The following ASXL1 variants were observed in gnomAD, a reference collection of about 807,000 sequenced individuals.
ASXL1 encodes the protein ASXL transcriptional regulator 1, also known as polycomb group protein ASXL1.
A neutral mutation model predicts 89.1 loss-of-function variants in ASXL1; 65 were observed. The observed-to-expected ratio is 0.73, with a 90% CI of 0.60 to 0.90. The LOEUF (loss-of-function observed/expected upper bound fraction) is 0.90. Among genes scored for constraint, ASXL1 ranks in the 40% least tolerant of loss-of-function variants. ASXL1 has a pLI of 0.00. For missense variants in ASXL1, 1,786 were observed against 1,942.9 expected (o/e 0.92, Z 1.52); for synonymous variants, 739 against 746.9 (o/e 0.99, Z 0.17).
rs1217055639 is a variant in ASXL1, at chr20:32,437,842, A to AC, written c.*506dup. ...GCATTGCCCACCAGGGGGCTGGTGC[A>AC]CCTGCTGACCTCAGGGTCACAGTTG... On this transcript the variant is annotated 3_prime_UTR_variant, in exon 13 of 13. Transcript: ENST00000375687. 1 of 248,572 alleles carries AC rather than the reference A, an allele frequency of 4.0e-6. No individual in the cohort carries two copies. Among genetic ancestry groups the AC allele is most frequent in the Non-Finnish European group, 7.9e-6 (1 of 127,032 alleles). The allele number at this position is 248,572 out of a possible 1,614,324, so 15.4% of individuals were successfully genotyped here.
chr20:32,382,326 C>T (rs541638988), intron 4 of ASXL1, among the ~76,000 whole-genome samples: 9 of 152,012 alleles, frequency 5.9e-5, no homozygotes, highest in South Asian at 2.1e-4. Flanking sequence ...AATCTGCTGA[C>T]GTTAGAAATA....
intron 1 of ASXL1, among the ~76,000 whole-genome samples, chr20:32,364,314 C>G (rs2048170861): frequency 6.6e-6 from 1 of 151,826 alleles, no homozygotes; most frequent in African/African-American, 2.4e-5. Flanking sequence ...TTCCTGGGCT[C>G]AGATGATTCT....
intron 6 of ASXL1, 138 bp downstream of exon 6, chr20:32,428,560 T>TGC: frequency 1.2e-6 from 1 of 820,428 alleles, no homozygotes; most frequent in Non-Finnish European, 2.0e-6. Flanking sequence ...GTTAGTAGCA[T>TGC]TTAACAGGGG....
In ASXL1 at chr20:32,435,130, C is replaced by G. The variant is rs761292819; in HGVS notation, c.2418C>G (p.Thr806=). The G allele has an allele frequency of 5.6e-6, 9 of 1,613,788 alleles. No individual in the cohort carries two copies. The South Asian group carries it at 6.6e-5, about 12-fold the overall frequency. The part of the protein sequence containing the change: ...WESDDEEQGP[T]VPADNGPIPS... ...GTGATGATGAGGAGCAAGGACCCAC[C>G]GTTCCTGCAGACAATGGTCCCATTC... is the stretch of plus-strand genomic sequence containing the variant. The change falls in exon 13 of 13, where the codon ACC becomes ACG. Residue 806 remains threonine (T), a synonymous_variant. Transcript: ENST00000375687.
At position 32,434,638 on chromosome 20, in the gene ASXL1, A is replaced by AG. The variant is rs750318549; in HGVS notation, c.1934dup (p.Gly646TrpfsTer12). The AG allele has an allele frequency of 4.3e-4, 685 of 1,601,778 alleles. No individual in the cohort carries two copies. The highest frequency in any genetic ancestry group is 4.5e-4 in the Non-Finnish European group (534 of 1,173,812). ...GAGAGGCGGCCACCACTGCCATCGG[A>AG]GGGGGGGGTGGCCCGGGTGGAGGTG... On this transcript the variant is annotated frameshift_variant, in exon 13 of 13. Coordinates refer to ENST00000375687, the MANE Select transcript of ASXL1 (RefSeq NM_015338.6). LOFTEE classifies it low-confidence loss of function (END_TRUNC).
At chr20:32,372,187 C>T (rs994207526) in intron 4 of ASXL1, 1 of 1,343,080 alleles carries the variant, frequency 7.4e-7, no homozygotes, top group Non-Finnish European at 9.8e-7. Flanking sequence ...CACCAGGCCC[C>T]TTCATCTTAA....
intron 2 of ASXL1, among the ~76,000 whole-genome samples, 164 bp from the exon 3 acceptor site, chr20:32,367,563 A>C (rs1297867355): frequency 6.6e-6 from 1 of 152,192 alleles, no homozygotes; most frequent in South Asian, 2.1e-4. Context: ...AACGTTCTCA[A>C]GTTGATGTTT....
chr20:32,358,434 T>A lies in ASXL1; in HGVS notation c.-342T>A, dbSNP rs1204818487. ...CCGCCGTCGGTCCTGTCTCAGTCCC[T>A]CAGCAGAGCGGGAAAGCGGAGGCCG... On this transcript the variant is annotated 5_prime_UTR_variant, in exon 1 of 13. Coordinates refer to ENST00000375687, the MANE Select transcript of ASXL1 (RefSeq NM_015338.6). 2 of 231,762 alleles carry A rather than the reference T, an allele frequency of 8.6e-6. No individual in the cohort carries two copies. The highest frequency in any genetic ancestry group is 1.7e-5 in the Non-Finnish European group (2 of 117,754). The allele number at this position is 231,762 out of a possible 1,614,324, so 14.4% of individuals were successfully genotyped here. A position where few individuals can be genotyped will look rare whatever the true frequency, so the allele number is the denominator to read the frequency against.
intron 8 of ASXL1, chr20:32,430,320 T>G: frequency 2.3e-6 from 1 of 439,016 alleles, no homozygotes; most frequent in Non-Finnish European, 4.0e-6. Flanking sequence ...TTGTACTGCA[T>G]AGTAAGTGTT....
At position 32,431,647 on chromosome 20, in the gene ASXL1, C is replaced by T. The variant is rs1485128289; in HGVS notation, c.947C>T (p.Ala316Val). 13 of 1,613,666 alleles carry T rather than the reference C, an allele frequency of 8.1e-6. No individual in the cohort carries two copies. Among genetic ancestry groups the T allele is most frequent in the Admixed American group, 3.3e-5 (2 of 60,008 alleles). The change falls in exon 10 of 13, where the codon GCG becomes GTG. Residue 316 changes from alanine to valine, a missense_variant. Coordinates refer to ENST00000375687, the MANE Select transcript of ASXL1 (RefSeq NM_015338.6). ...SALNNEFFTH[A>V]AQSWRERLAD... is the part of the protein sequence containing the mutation. ...CTAAATAACGAGTTTTTTACCCATG[C>T]GGCTCAGAGCTGGCGGGAGCGCCTG... is the stretch of plus-strand genomic sequence containing the variant.
At chr20:32,423,628 G>T (rs1230349126) in intron 4 of ASXL1, among the ~76,000 whole-genome samples, 3 of 152,104 alleles carry the variant, frequency 2.0e-5, no homozygotes, top group African/African-American at 7.2e-5. Flanking sequence ...TTGGCTCACT[G>T]CAGCCTGCAT....
intron 4 of ASXL1, among the ~76,000 whole-genome samples, chr20:32,384,210 T>G (rs1264544913): frequency 7.1e-5 from 10 of 140,136 alleles, no homozygotes; most frequent in Admixed American, 2.1e-4. Context: ...TTTTTTTTTT[T>G]TTTTTTTTTT....
At position 32,434,596 on chromosome 20, in the gene ASXL1, A is replaced by G. The variant is rs2145358180; in HGVS notation, c.1884A>G (p.Arg628=). 1 of 1,612,870 alleles carries G rather than the reference A, an allele frequency of 6.2e-7. No individual in the cohort carries two copies. The highest frequency in any genetic ancestry group is 1.1e-5 in the South Asian group (1 of 91,044). The change falls in exon 13 of 13, where the codon AGA becomes AGG. Residue 628 remains arginine, a synonymous_variant. Coordinates refer to ENST00000375687, the MANE Select transcript of ASXL1 (RefSeq NM_015338.6). ...KARALQVRGA[R]GHHCHREAAT... is the part of the protein sequence containing the mutation. Reference sequence around the variant, plus strand: ...GTGCTCTGCAGGTCCGAGGGGCGAGAGGTCACCACTGCCATAGAGAGGCGG... The same window carrying G: ...GTGCTCTGCAGGTCCGAGGGGCGAGGGGTCACCACTGCCATAGAGAGGCGG...
rs777749661 is a variant in ASXL1 at position 32,434,644 on chromosome 20, G to C, written c.1932G>C (p.Gly644=). The C allele has an allele frequency of 6.2e-7, 1 of 1,605,218 alleles. No homozygotes were observed. The highest frequency in any genetic ancestry group is 8.5e-7 in the Non-Finnish European group (1 of 1,175,742). ...REAATTAIGG[G]GGPGGGGGGA... ...CGGCCACCACTGCCATCGGAGGGGG[G>C]GGTGGCCCGGGTGGAGGTGGCGGCG... is the stretch of plus-strand genomic sequence containing the variant. The change falls in exon 13 of 13, where the codon GGG becomes GGC. Residue 644 remains glycine (G), a synonymous_variant. Coordinates refer to ENST00000375687, the MANE Select transcript of ASXL1 (RefSeq NM_015338.6).
At chr20:32,384,372 C>G (rs2048542438) in intron 4 of ASXL1, among the ~76,000 whole-genome samples, 1 of 151,700 alleles carries the variant, frequency 6.6e-6, no homozygotes, top group African/African-American at 2.4e-5. Flanking sequence ...CCGGCTAATT[C>G]TGTATTTTTA....
chr20:32,359,103 C>G, intron 1 of ASXL1: 1 of 599,586 alleles, frequency 1.7e-6, no homozygotes, highest in Non-Finnish European at 3.0e-6. Context: ...GCCGGCTCCT[C>G]CCACTCTGGG....
chr20:32,435,784 A>G lies in ASXL1; in HGVS notation c.3072A>G (p.Thr1024=). Residue 1024 remains threonine, a synonymous_variant, in exon 13 of 13, where the codon ACA becomes ACG. Transcript: ENST00000375687. The part of the protein sequence containing the change: ...SEADTREAAV[T]KGSSVDKDEK... Reference sequence around the variant, plus strand: ...CTGACACTAGAGAAGCTGCAGTGACAAAGGGATCTTCGGTGGACAAGGATG... The same window carrying G: ...CTGACACTAGAGAAGCTGCAGTGACGAAGGGATCTTCGGTGGACAAGGATG... 6.2e-7 allele frequency: 1 copy of G among 1,614,228 alleles called. No individual in the cohort carries two copies. The highest frequency in any genetic ancestry group is 1.1e-5 in the South Asian group (1 of 91,090).
At chr20:32,411,174 T>C (rs2123107444) in intron 4 of ASXL1, among the ~76,000 whole-genome samples, 1 of 150,284 alleles carries the variant, frequency 6.7e-6, no homozygotes. Flanking sequence ...AGAGCTTTAA[T>C]TTATTCCCCC....
intron 4 of ASXL1, chr20:32,427,802 GACCCCCCT>G: frequency 2.7e-6 from 1 of 375,364 alleles, no homozygotes; most frequent in Non-Finnish European, 5.1e-6. Flanking sequence ...CAGTTTAATT[GACCCCCCT>G]ACTTATTTGA....
Sources: allele counts gnomAD v4.1 joint callset (sites outside exome capture counted in the v4.1 genomes callset), GRCh38; gene constraint gnomAD v4.1.1; transcripts MANE v1.5; gene names NCBI Gene and HGNC (gene_info 2026-07-23, HGNC 2026-07-21).